Variants in PCGF5 observed in about 807,000 individuals in gnomAD.
The protein encoded by PCGF5 is polycomb group ring finger 5.
In PCGF5, 9 loss-of-function variants were observed where a neutral mutation model predicts 44.3. The observed-to-expected ratio is 0.20, with a 90% CI of 0.12 to 0.35. The LOEUF (loss-of-function observed/expected upper bound fraction) is 0.35, where lower values mean the gene tolerates loss of function less well. PCGF5 is among the 10% of genes least tolerant of loss of function. PCGF5 has a pLI of 1.00. For synonymous variants in PCGF5, 95 were observed against 102.5 expected, an observed-to-expected ratio of 0.93 and a Z score of 0.44; for missense variants, 146 against 305.3, an observed-to-expected ratio of 0.48 and a Z score of 3.89.
chr10:91,268,706 A>G (rs760144539), intron 8 of PCGF5, among the ~76,000 whole-genome samples: 1 of 152,006 alleles, frequency 6.6e-6, no homozygotes, highest in Non-Finnish European at 1.5e-5. Flanking sequence ...TTTTGCCTCA[A>G]TTTCTCAAGA....
chr10:91,246,998 GATAGATAGAT>G (rs1845482403), intron 3 of PCGF5, among the ~76,000 whole-genome samples: 1 of 149,954 alleles, frequency 6.7e-6, no homozygotes, highest in Non-Finnish European at 1.5e-5. Flanking sequence ...TAGATAGATA[GATAGATAGAT>G]AGATAGATAG....
At chr10:91,156,933 C>A in the PCGF5 span, among the ~76,000 whole-genome samples, 1 of 152,090 alleles carries the variant, frequency 6.6e-6, no homozygotes, top group South Asian at 2.1e-4. Context: ...AAGTTATTTC[C>A]ATGTAACAGA....
At chr10:91,200,892 T>C (rs1396302889) in intron 1 of PCGF5, among the ~76,000 whole-genome samples, 1 of 151,902 alleles carries the variant, frequency 6.6e-6, no homozygotes, top group Non-Finnish European at 1.5e-5. Context: ...GTGTAGGAGG[T>C]TGATAACATT....
upstream of PCGF5, among the ~76,000 whole-genome samples, chr10:91,216,162 T>C (rs932112055): frequency 6.6e-5 from 10 of 152,182 alleles, no homozygotes; most frequent in African/African-American, 2.4e-4. Context: ...TCTAAGAGTG[T>C]GATATTTGAT....
intron 1 of PCGF5, among the ~76,000 whole-genome samples, chr10:91,210,982 C>T (rs1844441722): frequency 6.6e-6 from 1 of 152,190 alleles, no homozygotes; most frequent in Non-Finnish European, 1.5e-5. Context: ...TAGTAGCATC[C>T]TTTACAGTGC....
intron 8 of PCGF5, among the ~76,000 whole-genome samples, chr10:91,267,531 T>C (rs1292077845): frequency 6.6e-6 from 1 of 152,226 alleles, no homozygotes; most frequent in African/African-American, 2.4e-5. Flanking sequence ...AATGTTATCT[T>C]TTACAAGGTA....
chr10:91,163,862 C>G (rs963116331), intron 1 of PCGF5, among the ~76,000 whole-genome samples: 2 of 152,182 alleles, frequency 1.3e-5, no homozygotes, highest in African/African-American at 4.8e-5. Flanking sequence ...CACGGACGGA[C>G]GTGCCCGCTG....
At chr10:91,205,038 T>C (rs1259776990) in intron 1 of PCGF5, among the ~76,000 whole-genome samples, 1 of 152,236 alleles carries the variant, frequency 6.6e-6, no homozygotes, top group Non-Finnish European at 1.5e-5. Flanking sequence ...TTTAAAATTT[T>C]ATGAGTAAAC....
chr10:91,217,184 C>T (rs532495686), upstream of PCGF5, among the ~76,000 whole-genome samples: 52 of 152,274 alleles, frequency 3.4e-4, no homozygotes, highest in Middle Eastern at 3.4e-3. Flanking sequence ...CAGGCACCTG[C>T]CACCACGCCC....
intron 1 of PCGF5, among the ~76,000 whole-genome samples, chr10:91,191,073 C>T (rs112974539): frequency 3.9e-5 from 6 of 152,266 alleles, no homozygotes; most frequent in African/African-American, 1.2e-4. Context: ...CTAGTGGGTG[C>T]CTGATACCAT....
chr10:91,271,110 A>G (rs1302895665), intron 8 of PCGF5, among the ~76,000 whole-genome samples: 1 of 150,824 alleles, frequency 6.6e-6, no homozygotes, highest in Non-Finnish European at 1.5e-5. Flanking sequence ...TGCTATATAT[A>G]TATATAATCT....
At chr10:91,184,660 C>T (rs1426384298) in intron 1 of PCGF5, among the ~76,000 whole-genome samples, 1 of 151,920 alleles carries the variant, frequency 6.6e-6, no homozygotes, top group South Asian at 2.1e-4. Flanking sequence ...TTTCAGTGTT[C>T]TTGTGTTGAT....
chr10:91,242,261 A>G (rs1228613801), intron 3 of PCGF5, among the ~76,000 whole-genome samples: 1 of 151,442 alleles, frequency 6.6e-6, no homozygotes, highest in Non-Finnish European at 1.5e-5. Context: ...ATCCAGCCTC[A>G]AATGTCAGTA....
intron 1 of PCGF5, among the ~76,000 whole-genome samples, chr10:91,190,973 A>G (rs1265711913): frequency 6.6e-6 from 1 of 152,176 alleles, no homozygotes; most frequent in Non-Finnish European, 1.5e-5. Flanking sequence ...ACGAGTCCAG[A>G]TCTATAAATA....
intron 1 of PCGF5, among the ~76,000 whole-genome samples, chr10:91,198,142 A>G (rs1844177641): frequency 6.6e-6 from 1 of 152,210 alleles, no homozygotes; most frequent in Non-Finnish European, 1.5e-5. Flanking sequence ...GAGAAGTGTC[A>G]GATCACGTCA....
At chr10:91,258,250 AC>A (rs1564652912) in intron 6 of PCGF5, among the ~76,000 whole-genome samples, 1 of 152,104 alleles carries the variant, frequency 6.6e-6, no homozygotes. Context: ...TAGTATAAAA[AC>A]TATAATTAAT....
intron 2 of PCGF5, among the ~76,000 whole-genome samples, chr10:91,224,964 T>C (rs943177421): frequency 6.6e-6 from 1 of 152,124 alleles, no homozygotes; most frequent in Non-Finnish European, 1.5e-5. Context: ...GAACATTTGT[T>C]CATTGTTTTT....
chr10:91,184,724 GT>G (rs111815193), intron 1 of PCGF5, among the ~76,000 whole-genome samples: 17 of 148,276 alleles, frequency 1.1e-4, no homozygotes, highest in East Asian at 3.9e-4. Flanking sequence ...TTGCTGTTTT[GT>G]TTTTTTTTTC....
intron 1 of PCGF5, among the ~76,000 whole-genome samples, chr10:91,175,793 C>A (rs1020240347): frequency 1.4e-4 from 22 of 152,132 alleles, no homozygotes; most frequent in African/African-American, 5.3e-4. Flanking sequence ...TTATTTTGAG[C>A]CTATGTGTGT....
Sources: gnomAD v4.1 joint callset for allele counts (sites outside exome capture counted in the v4.1 genomes callset) on GRCh38, gnomAD v4.1.1 for gene constraint, MANE v1.5 for transcripts, NCBI Gene and HGNC (gene_info 2026-07-23, HGNC 2026-07-21) for gene names.